Variants in SRBD1 observed in about 807,000 individuals in gnomAD.
SRBD1 encodes S1 RNA-binding domain-containing protein 1.
A neutral mutation model predicts 115.3 loss-of-function variants in SRBD1; 88 were observed. That is an observed-to-expected ratio of 0.76 (90% CI 0.64 to 0.91). SRBD1 has a LOEUF of 0.91. Ranked by LOEUF, SRBD1 falls within the 40% of genes least tolerant of loss-of-function variation. The pLI is 0.00. For missense variants in SRBD1, 1,385 were observed against 1,177.4 expected (o/e 1.18, Z -2.58); for synonymous variants, 509 against 407.7 (o/e 1.25, Z -2.99).
chr2:45,391,948 C>A (rs1401846451), intron 20 of SRBD1, among the ~76,000 whole-genome samples: 1 of 152,136 alleles, frequency 6.6e-6, no homozygotes, highest in Non-Finnish European at 1.5e-5. Flanking sequence ...ACTGCTCCAC[C>A]TAGTACTCCT....
At chr2:45,490,914 T>G (rs1297571438) in intron 14 of SRBD1, among the ~76,000 whole-genome samples, 1 of 152,210 alleles carries the variant, frequency 6.6e-6, no homozygotes, top group Non-Finnish European at 1.5e-5. Flanking sequence ...CTTTACTTAC[T>G]GAAGAGTATG....
At chr2:45,440,663 G>T (rs1284147864) in intron 16 of SRBD1, among the ~76,000 whole-genome samples, 2 of 152,296 alleles carry the variant, frequency 1.3e-5, no homozygotes, top group East Asian at 3.9e-4. Flanking sequence ...GAGATTTATA[G>T]CTTAGTCATA....
chr2:45,522,881 T>G (rs531593932), intron 14 of SRBD1, among the ~76,000 whole-genome samples: 1 of 152,284 alleles, frequency 6.6e-6, no homozygotes, highest in East Asian at 1.9e-4. Flanking sequence ...TCAATAATGC[T>G]TCCAGTCAAC....
At chr2:45,507,069 T>C (rs538647506) in intron 14 of SRBD1, among the ~76,000 whole-genome samples, 1 of 152,272 alleles carries the variant, frequency 6.6e-6, no homozygotes, top group East Asian at 1.9e-4. Flanking sequence ...TAGTAAAGAA[T>C]GAGTGTTGGT....
At chr2:45,457,147 C>T (rs1319034403) in intron 16 of SRBD1, among the ~76,000 whole-genome samples, 1 of 151,732 alleles carries the variant, frequency 6.6e-6, no homozygotes, top group African/African-American at 2.4e-5. Context: ...GTAACAATAT[C>T]CTGTAACATC....
chr2:45,607,217 T>C (rs1222028400), intron 1 of SRBD1, among the ~76,000 whole-genome samples: 2 of 152,226 alleles, frequency 1.3e-5, no homozygotes, highest in African/African-American at 2.4e-5. Context: ...ATATTATGTG[T>C]ATCTTACCAC....
chr2:45,471,909 A>T (rs1558417780), intron 16 of SRBD1, among the ~76,000 whole-genome samples: 1 of 152,224 alleles, frequency 6.6e-6, no homozygotes, highest in Non-Finnish European at 1.5e-5. Flanking sequence ...TTTGTGGCAA[A>T]TAATTTTCCT....
intron 15 of SRBD1, among the ~76,000 whole-genome samples, chr2:45,485,834 C>A (rs745770044): frequency 6.6e-6 from 1 of 152,086 alleles, no homozygotes. Context: ...AAGAAAGACT[C>A]CCAATGAGAA....
intron 14 of SRBD1, among the ~76,000 whole-genome samples, chr2:45,507,958 A>G (rs1670846155): frequency 6.6e-6 from 1 of 152,104 alleles, no homozygotes; most frequent in South Asian, 2.1e-4. Context: ...AAATAAATGA[A>G]CATAACCTGG....
In SRBD1 at chr2:45,602,029, C is replaced by G. The variant is rs140742578; in HGVS notation, c.135G>C (p.Lys45Asn). The change falls in exon 3 of 21, where the codon AAG becomes AAC. Residue 45 changes from lysine to asparagine, a missense_variant. Lys to Asn is a moderately conservative substitution (Grantham distance 94). Coordinates refer to ENST00000263736, the MANE Select transcript of SRBD1 (RefSeq NM_018079.5). ...GCTGTTTACGGCTTCTGGGAACTTT[C>G]TTTTGGGGCTCCCAGGCACTATCTT... ...DKEDSAWEPQKKVPRSRKQPP... is the reference protein window; with the variant it reads ...DKEDSAWEPQNKVPRSRKQPP... 19 of 1,614,108 alleles carry G rather than the reference C, an allele frequency of 1.2e-5. No individual in the cohort carries two copies. The East Asian group carries it at 4.0e-4, about 34-fold the overall frequency.
intron 16 of SRBD1, among the ~76,000 whole-genome samples, chr2:45,469,658 C>A (rs1048669194): frequency 2.0e-5 from 3 of 152,042 alleles, no homozygotes; most frequent in African/African-American, 7.2e-5. Context: ...GGGAAAAATA[C>A]CCAGAAAAGA....
intron 14 of SRBD1, among the ~76,000 whole-genome samples, chr2:45,488,535 C>T (rs1481997744): frequency 6.6e-6 from 1 of 151,908 alleles, no homozygotes; most frequent in Non-Finnish European, 1.5e-5. Context: ...ATATGAAATA[C>T]ACAGACTTAA....
At chr2:45,489,154 G>A (rs1027157160) in intron 14 of SRBD1, among the ~76,000 whole-genome samples, 2 of 152,172 alleles carry the variant, frequency 1.3e-5, no homozygotes, top group African/African-American at 4.8e-5. Context: ...TCTCCTTTAT[G>A]ACATGACAGG....
chr2:45,585,671 T>C lies in SRBD1; in HGVS notation c.752A>G (p.Glu251Gly). 1 of 1,612,764 alleles carries C rather than the reference T, an allele frequency of 6.2e-7. No homozygotes were observed. The highest frequency in any genetic ancestry group is 8.5e-7 in the Non-Finnish European group (1 of 1,179,664). ...ATCAGCATCAAGGTTATTAATGAGCTCTTTTCTATAACGTATAATGAAGGG... is the reference window on the plus strand; with the variant it reads ...ATCAGCATCAAGGTTATTAATGAGCCCTTTTCTATAACGTATAATGAAGGG... ...TIPFIIRYRKELINNLDADSL... is the reference protein window; with the variant it reads ...TIPFIIRYRKGLINNLDADSL... Residue 251 changes from glutamate (E) to glycine (G), a missense_variant, in exon 5 of 21, where the codon GAG (glutamate) becomes GGG (glycine). Transcript: ENST00000263736.
At chr2:45,461,044 C>T (rs1208781866) in intron 16 of SRBD1, among the ~76,000 whole-genome samples, 3 of 152,156 alleles carry the variant, frequency 2.0e-5, no homozygotes, top group Non-Finnish European at 4.4e-5. Context: ...AAACCACAGG[C>T]GTGGACCTCT....
intron 9 of SRBD1, among the ~76,000 whole-genome samples, chr2:45,571,030 A>T (rs997597023): frequency 6.6e-6 from 1 of 152,160 alleles, no homozygotes; most frequent in African/African-American, 2.4e-5. Context: ...TTTGAGGGAA[A>T]AGGGGCTTTT....
At chr2:45,424,727 G>A (rs932712122) in intron 16 of SRBD1, among the ~76,000 whole-genome samples, 1 of 152,158 alleles carries the variant, frequency 6.6e-6, no homozygotes, top group African/African-American at 2.4e-5. Flanking sequence ...GAAGTAAAAT[G>A]TATTTCCTAG....
chr2:45,474,195 A>G (rs1572680129), intron 16 of SRBD1, among the ~76,000 whole-genome samples: 1 of 152,186 alleles, frequency 6.6e-6, no homozygotes, highest in Non-Finnish European at 1.5e-5. Flanking sequence ...CTTATTTCAA[A>G]GTCTCTGTTA....
At chr2:45,527,293 C>A (rs1424226560) in intron 14 of SRBD1, among the ~76,000 whole-genome samples, 5 of 151,766 alleles carry the variant, frequency 3.3e-5, no homozygotes, top group African/African-American at 1.2e-4. Context: ...TTCTTCCTAC[C>A]CCAGTCATAA....
Sources: gnomAD v4.1 joint callset for allele counts (sites outside exome capture counted in the v4.1 genomes callset) on GRCh38, gnomAD v4.1.1 for gene constraint, MANE v1.5 for transcripts, NCBI Gene and HGNC (gene_info 2026-07-23, HGNC 2026-07-21) for gene names.